LRRC4C: variants seen among roughly 807,000 people sequenced by gnomAD.
LRRC4C encodes leucine rich repeat containing 4C, also known as leucine-rich repeat-containing protein 4C.
A neutral mutation model predicts 33.6 loss-of-function variants in LRRC4C; 5 were observed. The observed-to-expected ratio is 0.15, with a 90% CI of 0.08 to 0.31. LRRC4C has a LOEUF of 0.31. Among genes scored for constraint, LRRC4C ranks in the 10% least tolerant of loss-of-function variants. LRRC4C has a pLI of 1.00. For missense variants in LRRC4C, 560 were observed against 796.7 expected (o/e 0.70, Z 3.58); for synonymous variants, 329 against 302.0 (o/e 1.09, Z -0.93).
chr11:41,203,932 G>T (rs188911020), intron 1 of LRRC4C, among the ~76,000 whole-genome samples: 1 of 152,106 alleles, frequency 6.6e-6, no homozygotes, highest in African/African-American at 2.4e-5. Context: ...AAAGTAGAAG[G>T]TATTTCACCA....
At chr11:41,427,520 G>C (rs1955081784) in intron 1 of LRRC4C, among the ~76,000 whole-genome samples, 2 of 152,150 alleles carry the variant, frequency 1.3e-5, no homozygotes, top group Non-Finnish European at 2.9e-5. Context: ...GCTGAGTTAG[G>C]GTTCTACGAA....
intron 3 of LRRC4C, among the ~76,000 whole-genome samples, chr11:40,355,953 T>TATTGTATAGTATA (rs1947640928): frequency 8.2e-6 from 1 of 121,488 alleles, no homozygotes; most frequent in Non-Finnish European, 1.8e-5. Flanking sequence ...AGTATAGTAT[T>TATTGTATAGTATA]GTATAGTATA....
At chr11:41,449,452 GA>G (rs1015830852) in intron 1 of LRRC4C, among the ~76,000 whole-genome samples, 2 of 151,674 alleles carry the variant, frequency 1.3e-5, no homozygotes, top group Admixed American at 6.6e-5. Flanking sequence ...AGAAGGGTAG[GA>G]AAAAAGATGA....
intron 5 of LRRC4C, among the ~76,000 whole-genome samples, chr11:40,163,022 A>G (rs1859288066): frequency 6.6e-6 from 1 of 152,102 alleles, no homozygotes; most frequent in Non-Finnish European, 1.5e-5. Flanking sequence ...CTTCTATTAT[A>G]GTTTTGTTAA....
chr11:40,923,518 T>C (rs771378709), intron 2 of LRRC4C, among the ~76,000 whole-genome samples: 4 of 152,172 alleles, frequency 2.6e-5, no homozygotes, highest in Non-Finnish European at 4.4e-5. Flanking sequence ...TTCCTGTTTA[T>C]CTTCTCAGCA....
At chr11:41,242,848 T>C (rs1948307384) in intron 1 of LRRC4C, among the ~76,000 whole-genome samples, 1 of 152,184 alleles carries the variant, frequency 6.6e-6, no homozygotes, top group Non-Finnish European at 1.5e-5. Context: ...CTATCCTGGG[T>C]ATCTTAATAG....
intron 4 of LRRC4C, among the ~76,000 whole-genome samples, chr11:40,295,783 C>T (rs762315033): frequency 4.6e-5 from 7 of 152,018 alleles, no homozygotes; most frequent in African/African-American, 1.7e-4. Context: ...GTGAATTTCT[C>T]GAGGGTTAAT....
At chr11:41,100,358 G>A (rs1010409941) in intron 1 of LRRC4C, among the ~76,000 whole-genome samples, 14 of 151,994 alleles carry the variant, frequency 9.2e-5, no homozygotes, top group African/African-American at 3.1e-4. Context: ...CTGAGGTCAG[G>A]AGTTCAAGAC....
chr11:40,700,208 A>G (rs1945800216), intron 2 of LRRC4C, among the ~76,000 whole-genome samples: 1 of 152,164 alleles, frequency 6.6e-6, no homozygotes, highest in East Asian at 1.9e-4. Flanking sequence ...CGAGCCATCT[A>G]CTTTCCTGTC....
At chr11:41,021,202 AGAGAGAGAGAGAGT>A (rs1268755123) in intron 1 of LRRC4C, among the ~76,000 whole-genome samples, 89 of 47,612 alleles carry the variant, frequency 1.9e-3, no homozygotes, top group African/African-American at 3.6e-3. Context: ...AGAGAGAGAG[AGAGAGAGAGAGAGT>A]GTGTGTGTGT....
intron 1 of LRRC4C, among the ~76,000 whole-genome samples, chr11:41,254,014 T>C (rs1343807578): frequency 2.0e-5 from 3 of 152,084 alleles, no homozygotes; most frequent in Non-Finnish European, 2.9e-5. Context: ...ACTGTTTGTA[T>C]AGGGCCCACT....
chr11:40,960,144 G>A (rs1406792217), intron 1 of LRRC4C, among the ~76,000 whole-genome samples: 1 of 150,664 alleles, frequency 6.6e-6, no homozygotes, highest in Non-Finnish European at 1.5e-5. Context: ...GGGAAGGAAG[G>A]AAGGAAGGAA....
At chr11:40,952,105 T>C (rs1191017885) in intron 1 of LRRC4C, among the ~76,000 whole-genome samples, 1 of 152,012 alleles carries the variant, frequency 6.6e-6, no homozygotes, top group East Asian at 1.9e-4. Context: ...ATGCACATAC[T>C]GTCCAAGGCA....
chr11:40,361,812 C>G lies in LRRC4C; in HGVS notation c.-269-42091G>C, dbSNP rs541000745. ...AAGTGCCCAAATAGTCAAGACAATCCTAAGCAAAAAGAACAAAGCTGGAGA... is the reference window on the plus strand; with the variant it reads ...AAGTGCCCAAATAGTCAAGACAATCGTAAGCAAAAAGAACAAAGCTGGAGA... On this transcript the variant is annotated intron_variant, in intron 3 of 6. Coordinates refer to ENST00000528697, the MANE Select transcript of LRRC4C (RefSeq NM_001258419.2). 2.0e-5 allele frequency among the ~76,000 whole-genome samples: 3 copies of G among 152,240 alleles called. No homozygotes were observed. The South Asian group carries it at 6.2e-4, about 32-fold the overall frequency.
chr11:40,362,061 T>C (rs1463894093), intron 3 of LRRC4C, among the ~76,000 whole-genome samples: 2 of 152,202 alleles, frequency 1.3e-5, no homozygotes, highest in African/African-American at 4.8e-5. Flanking sequence ...GCTAGCTATA[T>C]GCAGAAGATT....
intron 4 of LRRC4C, among the ~76,000 whole-genome samples, chr11:40,289,117 A>G (rs1443643214): frequency 6.6e-6 from 1 of 152,184 alleles, no homozygotes. Flanking sequence ...TCCTGATAAG[A>G]CCTCAAATGA....
chr11:40,254,724 C>A (rs1867064943), intron 4 of LRRC4C, among the ~76,000 whole-genome samples: 1 of 152,128 alleles, frequency 6.6e-6, no homozygotes, highest in Non-Finnish European at 1.5e-5. Flanking sequence ...ACAGTAAATA[C>A]AACAAACAAA....
At chr11:40,483,438 A>G (rs1255012528) in intron 3 of LRRC4C, among the ~76,000 whole-genome samples, 2 of 152,226 alleles carry the variant, frequency 1.3e-5, no homozygotes, top group African/African-American at 2.4e-5. Context: ...CAAAGAAACA[A>G]GATAATGTGA....
chr11:40,453,919 A>G (rs1489672114), intron 3 of LRRC4C, among the ~76,000 whole-genome samples: 1 of 152,188 alleles, frequency 6.6e-6, no homozygotes, highest in Non-Finnish European at 1.5e-5. Context: ...TGAGTTACAC[A>G]TTTTAAATGA....
Sources: gnomAD v4.1 joint callset for allele counts (sites outside exome capture counted in the v4.1 genomes callset) on GRCh38, gnomAD v4.1.1 for gene constraint, MANE v1.5 for transcripts, NCBI Gene and HGNC (gene_info 2026-07-23, HGNC 2026-07-21) for gene names.